MYH2: variants seen among roughly 807,000 people sequenced by gnomAD.
MYH2 encodes the protein myosin-2.
Under a neutral mutation model 228.1 loss-of-function variants are expected in MYH2, and 139 were observed. The ratio of observed to expected loss-of-function variants is 0.61; its 90% CI spans 0.53 to 0.70. The LOEUF is 0.70. MYH2 is among the 30% of genes least tolerant of loss of function. MYH2 has a pLI of 0.00. For missense variants in MYH2, 1,809 were observed against 2,357.5 expected (o/e 0.77, Z 4.82); for synonymous variants, 796 against 871.1 (o/e 0.91, Z 1.52).
intron 4 of MYH2, 139 bp from the exon 5 acceptor site, chr17:10,545,641 T>C (rs1567737596): frequency 8.4e-7 from 1 of 1,189,898 alleles, no homozygotes; most frequent in Admixed American, 2.0e-5. Flanking sequence ...CTCAGCTCAC[T>C]GCAGCCCCAA....
At chr17:10,547,355 G>A in intron 4 of MYH2, 120 bp downstream of exon 4, 2 of 1,299,856 alleles carry the variant, frequency 1.5e-6, no homozygotes, top group Non-Finnish European at 2.2e-6. Context: ...CTTTTAACTA[G>A]TTATGCTGCA....
rs1183085973 is a variant in MYH2, at chr17:10,525,228, G to C, written c.4658C>G (p.Ala1553Gly). ...AATGCACAATTTTACATGTACCTCT[G>C]CTTCTTCTAAAGCAGCCTGAAGTTC... ...KCELQAALEE[A>G]EASLEHEEGK... Residue 1553 changes from alanine (A) to glycine (G), a missense_variant, in exon 33 of 40, where the codon GCA becomes GGA. Transcript: ENST00000245503. The surrounding 1 kb of genome is among the most constrained non-coding windows in gnomAD (Gnocchi z 4.2). 6.2e-7 allele frequency: 1 copy of C among 1,613,972 alleles called. No homozygotes were observed. Among genetic ancestry groups the C allele is most frequent in the Non-Finnish European group, 8.5e-7 (1 of 1,180,028 alleles).
rs763835091 is a variant in MYH2, at chr17:10,539,194, T to C, written c.1416+11A>G. The C allele has an allele frequency of 1.2e-6, 2 of 1,614,092 alleles. No individual in the cohort carries two copies. Among genetic ancestry groups the C allele is most frequent in the East Asian group, 4.5e-5 (2 of 44,878 alleles). On this transcript the variant is annotated intron_variant, in intron 14 of 39. Transcript: ENST00000245503. Reference sequence around the variant, plus strand: ...CTGTAAAATCCTCTCACCAATCAGCTACAAACTCACATCAAAAATCTCAAA... The same window carrying C: ...CTGTAAAATCCTCTCACCAATCAGCCACAAACTCACATCAAAAATCTCAAA...
At chr17:10,543,588 A>G in intron 8 of MYH2, 123 bp downstream of exon 8, 1 of 1,415,892 alleles carries the variant, frequency 7.1e-7, no homozygotes, top group South Asian at 1.2e-5. Flanking sequence ...ACATGCTCAG[A>G]GGAAAAGGAA....
intron 11 of MYH2, 145 bp from the exon 12 acceptor site, chr17:10,540,211 G>C: frequency 9.0e-7 from 1 of 1,113,526 alleles, no homozygotes; most frequent in South Asian, 1.3e-5. Flanking sequence ...TAGAGAGTTG[G>C]TCAACCAAAG....
intron 11 of MYH2, 142 bp from the exon 12 acceptor site, chr17:10,540,208 T>C (rs2073533802): frequency 8.6e-7 from 1 of 1,164,040 alleles, no homozygotes; most frequent in African/African-American, 1.5e-5. Flanking sequence ...ATATAGAGAG[T>C]TGGTCAACCA....
intron 39 of MYH2, among the ~76,000 whole-genome samples, chr17:10,522,217 G>A (rs976906077): frequency 2.6e-5 from 4 of 152,106 alleles, no homozygotes; most frequent in Admixed American, 6.5e-5. Flanking sequence ...AGACCTATCT[G>A]GACTTGGGTC....
chr17:10,527,379 T>C (rs2073368041), intron 28 of MYH2, among the ~76,000 whole-genome samples: 2 of 152,234 alleles, frequency 1.3e-5, no homozygotes, highest in Admixed American at 6.5e-5. Flanking sequence ...CCCCATTCCA[T>C]AGGACTTTTG....
rs2073335133 is a variant in MYH2, at chr17:10,525,181, A to G, written c.4662+43T>C. 1 of 1,613,842 alleles carries G rather than the reference A, an allele frequency of 6.2e-7. No homozygotes were observed. The highest frequency in any genetic ancestry group is 8.5e-7 in the Non-Finnish European group (1 of 1,179,952). Reference sequence around the variant, plus strand: ...TATTCACTCTATGCAGATGTACCTAATTATTTTCCAGATTTTTTTATAATG... The same window carrying G: ...TATTCACTCTATGCAGATGTACCTAGTTATTTTCCAGATTTTTTTATAATG... On this transcript the variant is annotated intron_variant, in intron 33 of 39. Coordinates refer to ENST00000245503, the MANE Select transcript of MYH2 (RefSeq NM_017534.6). The surrounding 1 kb of genome is among the most constrained non-coding windows in gnomAD (Gnocchi z 4.2).
rs745823256 is a variant in MYH2 at position 10,531,859 on chromosome 17, A to G, written c.2471T>C (p.Ile824Thr). The G allele has an allele frequency of 6.2e-7, 1 of 1,614,118 alleles. No individual in the cohort carries two copies. The highest frequency in any genetic ancestry group is 1.7e-5 in the Admixed American group (1 of 60,012). The change falls in exon 22 of 40, where the codon ATC becomes ACC. Residue 824 changes from isoleucine (I) to threonine (T), a missense_variant. By Grantham distance (89) the Ile-to-Thr change is moderately conservative. This residue lies in a region of MYH2 where 276 missense variants were observed against 344.2 expected (regional missense o/e 0.80). Coordinates refer to ENST00000245503, the MANE Select transcript of MYH2 (RefSeq NM_017534.6). The part of the protein sequence containing the change: ...REAIFCIQYN[I>T]RSFMNVKHWP... Reference sequence around the variant, plus strand: ...GTGCTTGACATTCATGAAGGATCTGATATTGTACTGGATACAGAAGATGGC... The same window carrying G: ...GTGCTTGACATTCATGAAGGATCTGGTATTGTACTGGATACAGAAGATGGC...
chr17:10,527,860 T>A lies in MYH2; in HGVS notation c.3759A>T (p.Lys1253Asn). 1 of 1,613,568 alleles carries A rather than the reference T, an allele frequency of 6.2e-7. No homozygotes were observed. The highest frequency in any genetic ancestry group is 8.5e-7 in the Non-Finnish European group (1 of 1,180,014). Residue 1253 changes from lysine (K) to asparagine (N), a missense_variant, in exon 28 of 40, where the codon AAA (lysine) becomes AAT (asparagine). Transcript: ENST00000245503. ...GTTGGTCCTCTAGAGTCCGGCACAT[T>A]TTCTCTAGGTTTCCCTATAGAAGAA... ...TVSKAKGNLEKMCRTLEDQLS... is the reference protein window; with the variant it reads ...TVSKAKGNLENMCRTLEDQLS...
chr17:10,535,464 A>C, intron 17 of MYH2, 99 bp from the exon 18 acceptor site: 1 of 966,076 alleles, frequency 1.0e-6, no homozygotes, highest in Non-Finnish European at 1.6e-6. Flanking sequence ...GAGTTGAATG[A>C]CCAGTATGGA....
At chr17:10,535,810 G>T (rs2073476216) in intron 17 of MYH2, among the ~76,000 whole-genome samples, 1 of 152,090 alleles carries the variant, frequency 6.6e-6, no homozygotes, top group Admixed American at 6.5e-5. Flanking sequence ...AATTTTTAGG[G>T]GATAGAGATT....
chr17:10,530,128 T>C (rs2142301206), intron 22 of MYH2, 54 bp from the exon 23 acceptor site: 8 of 1,612,050 alleles, frequency 5.0e-6, no homozygotes, highest in Non-Finnish European at 6.8e-6. Flanking sequence ...TACTTCACAA[T>C]GGATAAGAGT....
At chr17:10,538,042 G>A (rs1200718710) in intron 14 of MYH2, among the ~76,000 whole-genome samples, 3 of 152,146 alleles carry the variant, frequency 2.0e-5, no homozygotes, top group Non-Finnish European at 4.4e-5. Context: ...CTGTCATTTT[G>A]TAGAAAATCC....
chr17:10,524,969 C>T lies in MYH2; in HGVS notation c.4759G>A (p.Glu1587Lys). The change falls in exon 34 of 40, where the codon GAG becomes AAG. Residue 1587 changes from glutamate to lysine, a missense_variant. Coordinates refer to ENST00000245503, the MANE Select transcript of MYH2 (RefSeq NM_017534.6). This position sits in a 1 kb window ranked among gnomAD's most constrained non-coding sequence, Gnocchi z 4.7. ...EVDRKIAEKDEEIDQLKRNHI... is the reference protein window; with the variant it reads ...EVDRKIAEKDKEIDQLKRNHI... Reference sequence around the variant, plus strand: ...TTTCTCTTCAGCTGGTCAATTTCCTCATCTTTTTCAGCAATTTTCCTATCA... The same window carrying T: ...TTTCTCTTCAGCTGGTCAATTTCCTTATCTTTTTCAGCAATTTTCCTATCA... 1 of 1,614,128 alleles carries T rather than the reference C, an allele frequency of 6.2e-7. No individual in the cohort carries two copies. Among genetic ancestry groups the T allele is most frequent in the Non-Finnish European group, 8.5e-7 (1 of 1,180,030 alleles).
At chr17:10,532,658 A>G (rs1485864463) in intron 21 of MYH2, among the ~76,000 whole-genome samples, 3 of 146,982 alleles carry the variant, frequency 2.0e-5, no homozygotes, top group Non-Finnish European at 4.5e-5. Flanking sequence ...GTGTAGATGT[A>G]TAGGTGGCAA....
rs373001426 is a variant in MYH2 at position 10,529,146 on chromosome 17, A to T, written c.3354+16T>A. ...TAACTGCCTCCGAGCCAGACTGATG[A>T]AAATCATGTACTTACTTGCAATTCT... On this transcript the variant is annotated intron_variant, in intron 26 of 39. Transcript: ENST00000245503. 4 of 1,614,098 alleles carry T rather than the reference A, an allele frequency of 2.5e-6. No homozygotes were observed. The African/African-American group carries it at 5.3e-5, about 22-fold the overall frequency.
intron 5 of MYH2, among the ~76,000 whole-genome samples, chr17:10,544,977 C>T (rs1040722048): frequency 5.9e-5 from 9 of 151,486 alleles, no homozygotes; most frequent in Middle Eastern, 3.4e-3. Context: ...CTCATAGTAA[C>T]GGAGACACAG....
Sources: gnomAD v4.1 joint callset for allele counts (sites outside exome capture counted in the v4.1 genomes callset) on GRCh38, gnomAD v4.1.1 for gene constraint, gnomAD v4.1.1 regional missense constraint, Gnocchi (gnomAD v3.1) non-coding constraint, MANE v1.5 for transcripts, NCBI Gene and HGNC (gene_info 2026-07-23, HGNC 2026-07-21) for gene names.